The following THSD4 variants were observed in gnomAD, a reference collection of about 807,000 sequenced individuals.
The protein encoded by THSD4 is thrombospondin type 1 domain containing 4.
Under a neutral mutation model 119.0 loss-of-function variants are expected in THSD4, and 69 were observed. The ratio of observed to expected loss-of-function variants is 0.58; its 90% CI spans 0.48 to 0.71. The LOEUF (loss-of-function observed/expected upper bound fraction) is 0.71, where lower values mean the gene tolerates loss of function less well. THSD4 is among the 30% of genes least tolerant of loss of function. The pLI is 0.00. For synonymous variants in THSD4, 524 were observed against 540.4 expected (o/e 0.97, Z 0.42); for missense variants, 1,393 against 1,391.1 (o/e 1.00, Z -0.02).
At chr15:71,659,275 G>A (rs1220557515) in intron 7 of THSD4, among the ~76,000 whole-genome samples, 1 of 152,108 alleles carries the variant, frequency 6.6e-6, no homozygotes, top group East Asian at 1.9e-4. Flanking sequence ...ATCTGCTCAT[G>A]GAAAAGTGAC....
chr15:71,354,377 AAG>A (rs1219473163), intron 6 of THSD4, among the ~76,000 whole-genome samples: 1 of 152,304 alleles, frequency 6.6e-6, no homozygotes, highest in African/African-American at 2.4e-5. Context: ...AAGTGTCCAG[AAG>A]AGAGAGTGTT....
intron 7 of THSD4, among the ~76,000 whole-genome samples, chr15:71,605,483 A>T (rs1165158910): frequency 1.3e-5 from 2 of 152,212 alleles, no homozygotes; most frequent in African/African-American, 4.8e-5. Context: ...GAACAGAAGA[A>T]GAAGTGCCCA....
intron 6 of THSD4, among the ~76,000 whole-genome samples, chr15:71,384,871 G>T (rs1039223106): frequency 2.6e-5 from 4 of 152,118 alleles, no homozygotes; most frequent in African/African-American, 7.2e-5. Flanking sequence ...CAAAGTTAAG[G>T]ATCCCATTTT....
upstream of THSD4, among the ~76,000 whole-genome samples, chr15:71,113,069 G>C (rs1453809942): frequency 6.6e-6 from 1 of 152,198 alleles, no homozygotes; most frequent in Non-Finnish European, 1.5e-5. Flanking sequence ...CACGCCTGTA[G>C]TCTCAGCTAC....
At chr15:71,169,355 A>C (rs920569009) in intron 3 of THSD4, among the ~76,000 whole-genome samples, 5 of 152,350 alleles carry the variant, frequency 3.3e-5, no homozygotes, top group African/African-American at 1.2e-4. Flanking sequence ...AACCACTTTG[A>C]AAAACTGTCA....
At chr15:71,264,738 A>G (rs1043972023) in intron 6 of THSD4, among the ~76,000 whole-genome samples, 4 of 152,172 alleles carry the variant, frequency 2.6e-5, no homozygotes, top group Non-Finnish European at 5.9e-5. Flanking sequence ...TTAAGGAAGC[A>G]GGGGAAAGAG....
intron 7 of THSD4, among the ~76,000 whole-genome samples, chr15:71,644,321 T>C (rs1321795829): frequency 6.6e-6 from 1 of 152,236 alleles, no homozygotes; most frequent in Non-Finnish European, 1.5e-5. Flanking sequence ...GCCATTTTGT[T>C]CTTCTCTATA....
chr15:71,566,109 G>C (rs908314060), intron 7 of THSD4, among the ~76,000 whole-genome samples: 1 of 151,534 alleles, frequency 6.6e-6, no homozygotes, highest in Admixed American at 6.6e-5. Flanking sequence ...GAAAAATAAT[G>C]ACTAAACCAT....
chr15:71,377,150 G>GGGT (rs2046149734), intron 6 of THSD4, among the ~76,000 whole-genome samples: 1 of 152,180 alleles, frequency 6.6e-6, no homozygotes, highest in Non-Finnish European at 1.5e-5. Context: ...TTCATGAAGG[G>GGGT]GGTAAAGGAC....
chr15:71,161,534 A>G (rs1239314523), intron 3 of THSD4, among the ~76,000 whole-genome samples: 1 of 151,714 alleles, frequency 6.6e-6, no homozygotes, highest in African/African-American at 2.4e-5. Context: ...TTTAAAGTCT[A>G]TTTCATCTCA....
At chr15:71,663,232 A>G (rs184267572) in intron 8 of THSD4, among the ~76,000 whole-genome samples, 3 of 152,098 alleles carry the variant, frequency 2.0e-5, no homozygotes, top group East Asian at 1.9e-4. Context: ...AGCCTGGGCA[A>G]TAAAGCAAGA....
intron 6 of THSD4, among the ~76,000 whole-genome samples, chr15:71,310,512 G>A (rs1046908786): frequency 6.6e-6 from 1 of 152,160 alleles, no homozygotes; most frequent in Non-Finnish European, 1.5e-5. Context: ...GTAGAAACAT[G>A]GTTGACAAAA....
intron 7 of THSD4, among the ~76,000 whole-genome samples, chr15:71,496,312 A>G (rs757198715): frequency 2.6e-5 from 4 of 152,212 alleles, no homozygotes; most frequent in African/African-American, 9.7e-5. Context: ...ATGAATTATT[A>G]TGTTACTGAG....
At chr15:71,392,292 C>T (rs571387446) in intron 6 of THSD4, among the ~76,000 whole-genome samples, 33 of 152,304 alleles carry the variant, frequency 2.2e-4, no homozygotes, top group African/African-American at 7.9e-4. Flanking sequence ...TCTAGTTTCA[C>T]GGGAGAAGAG....
At chr15:71,443,265 A>C (rs957348982) in intron 7 of THSD4, among the ~76,000 whole-genome samples, 1 of 152,028 alleles carries the variant, frequency 6.6e-6, no homozygotes, top group African/African-American at 2.4e-5. Context: ...CTTTTTAGGG[A>C]GATTGGCCTA....
intron 9 of THSD4, chr15:71,730,768 G>T (rs900077235): frequency 3.3e-5 from 8 of 246,008 alleles, no homozygotes; most frequent in African/African-American, 1.7e-4. Context: ...TTCTCCTGCA[G>T]TGTACACGTA....
At chr15:71,560,882 A>C (rs1350874050) in intron 7 of THSD4, among the ~76,000 whole-genome samples, 1 of 151,800 alleles carries the variant, frequency 6.6e-6, no homozygotes, top group Non-Finnish European at 1.5e-5. Context: ...AAAGTCCATG[A>C]GCTTTCAAAC....
chr15:71,415,052 TTCTC>T (rs2046741051), intron 7 of THSD4, among the ~76,000 whole-genome samples: 2 of 152,384 alleles, frequency 1.3e-5, no homozygotes, highest in South Asian at 4.1e-4. Context: ...ATTTCTCTAC[TTCTC>T]TGACTTGTGG....
intron 7 of THSD4, among the ~76,000 whole-genome samples, chr15:71,413,424 T>C (rs1248203546): frequency 6.6e-6 from 1 of 152,236 alleles, no homozygotes; most frequent in African/African-American, 2.4e-5. Context: ...TTTTTGCCCA[T>C]TAACCATCCT....
Sources: gnomAD v4.1 joint callset for allele counts (sites outside exome capture counted in the v4.1 genomes callset) on GRCh38, gnomAD v4.1.1 for gene constraint, MANE v1.5 for transcripts, NCBI Gene and HGNC (gene_info 2026-07-23, HGNC 2026-07-21) for gene names.